The following LRMDA variants were observed in gnomAD, a reference collection of about 807,000 sequenced individuals.
The protein encoded by LRMDA is leucine-rich melanocyte differentiation-associated protein.
Under a neutral mutation model 29.8 loss-of-function variants are expected in LRMDA, and 18 were observed. The observed-to-expected ratio is 0.60, with a 90% CI of 0.42 to 0.90. The LOEUF is 0.90. Among genes scored for constraint, LRMDA ranks in the 40% least tolerant of loss-of-function variants. The pLI, the probability that LRMDA is intolerant of heterozygous loss-of-function variation, is 0.00. For missense variants in LRMDA, 273 were observed against 273.9 expected, an observed-to-expected ratio of 1.00 and a Z score of 0.02; for synonymous variants, 125 against 109.4, an observed-to-expected ratio of 1.14 and a Z score of -0.89.
At chr10:75,998,147 A>G (rs1280838234) in intron 2 of LRMDA, among the ~76,000 whole-genome samples, 1 of 152,164 alleles carries the variant, frequency 6.6e-6, no homozygotes, top group Non-Finnish European at 1.5e-5. Flanking sequence ...GAAGAATCAG[A>G]AGTGTCCCGT....
chr10:76,446,330 A>G (rs996394897), intron 6 of LRMDA, among the ~76,000 whole-genome samples: 1 of 152,184 alleles, frequency 6.6e-6, no homozygotes, highest in African/African-American at 2.4e-5. Flanking sequence ...CAAAGCTGCA[A>G]TGCACACCCA....
chr10:76,411,978 A>G (rs1589171495), intron 6 of LRMDA, among the ~76,000 whole-genome samples: 3 of 152,380 alleles, frequency 2.0e-5, no homozygotes, highest in Non-Finnish European at 4.4e-5. Flanking sequence ...TCCGAGTGCT[A>G]TTGGGACACC....
At chr10:75,807,826 G>A (rs971521991) in intron 2 of LRMDA, among the ~76,000 whole-genome samples, 8 of 152,186 alleles carry the variant, frequency 5.3e-5, no homozygotes, top group Non-Finnish European at 7.4e-5. Context: ...ACAGAGGCAT[G>A]TCATTTTCCC....
intron 5 of LRMDA, among the ~76,000 whole-genome samples, chr10:76,137,573 A>AG (rs1850118699): frequency 6.6e-6 from 1 of 152,144 alleles, no homozygotes. Flanking sequence ...AGGGTTAAAA[A>AG]TAAGAAAGGC....
chr10:76,106,592 A>C (rs1849489211), intron 5 of LRMDA, among the ~76,000 whole-genome samples: 1 of 151,986 alleles, frequency 6.6e-6, no homozygotes, highest in Non-Finnish European at 1.5e-5. Flanking sequence ...CCCTTTGTAT[A>C]CCTGACAGGG....
At chr10:76,416,799 A>C (rs1842019826) in intron 6 of LRMDA, among the ~76,000 whole-genome samples, 1 of 152,200 alleles carries the variant, frequency 6.6e-6, no homozygotes, top group Admixed American at 6.5e-5. Context: ...GTGCTCACAC[A>C]TACACCCTGT....
intron 2 of LRMDA, among the ~76,000 whole-genome samples, chr10:75,881,384 C>T (rs535182357): frequency 3.9e-5 from 6 of 152,110 alleles, no homozygotes; most frequent in South Asian, 2.1e-4. Flanking sequence ...GGGAACCTAA[C>T]GCCGATTCAC....
intron 6 of LRMDA, among the ~76,000 whole-genome samples, chr10:76,365,737 C>T (rs778964421): frequency 9.9e-5 from 15 of 152,232 alleles, no homozygotes; most frequent in Non-Finnish European, 1.9e-4. Flanking sequence ...TGTGCAAAAG[C>T]TCTTTAGTTT....
chr10:75,914,418 A>G (rs146569474), intron 2 of LRMDA, among the ~76,000 whole-genome samples: 36 of 152,342 alleles, frequency 2.4e-4, no homozygotes, highest in African/African-American at 7.0e-4. Flanking sequence ...TATGATTTGC[A>G]TTGTAAGGAT....
chr10:75,607,118 C>T (rs1427659089), intron 2 of LRMDA, among the ~76,000 whole-genome samples: 1 of 152,202 alleles, frequency 6.6e-6, no homozygotes, highest in South Asian at 2.1e-4. Context: ...ATTCCCGGAA[C>T]AGTTTTAATG....
At chr10:76,533,514 T>C (rs2132376104) in intron 6 of LRMDA, among the ~76,000 whole-genome samples, 1 of 152,326 alleles carries the variant, frequency 6.6e-6, no homozygotes, top group South Asian at 2.1e-4. Flanking sequence ...AAGAACAACT[T>C]GCTGTCATTC....
chr10:75,792,270 T>TGTTTGTTC (rs1843581046), intron 2 of LRMDA, among the ~76,000 whole-genome samples: 1 of 151,336 alleles, frequency 6.6e-6, no homozygotes, highest in Non-Finnish European at 1.5e-5. Flanking sequence ...TTTGTTTGTT[T>TGTTTGTTC]GTTTGTTTGT....
At chr10:75,854,292 G>T (rs1156303999) in intron 2 of LRMDA, among the ~76,000 whole-genome samples, 1 of 152,090 alleles carries the variant, frequency 6.6e-6, no homozygotes, top group Non-Finnish European at 1.5e-5. Flanking sequence ...ATCCTTCTTT[G>T]CTTGGGTGAT....
chr10:75,773,532 G>A (rs1843271103), intron 2 of LRMDA, among the ~76,000 whole-genome samples: 1 of 152,188 alleles, frequency 6.6e-6, no homozygotes, highest in African/African-American at 2.4e-5. Context: ...AGCTGTCTAT[G>A]AGAAACATGT....
intron 2 of LRMDA, among the ~76,000 whole-genome samples, chr10:75,516,065 T>C (rs1046939468): frequency 6.6e-5 from 10 of 152,264 alleles, no homozygotes; most frequent in Non-Finnish European, 1.2e-4. Flanking sequence ...TAGTATTTCA[T>C]GGTGTATATG....
At chr10:75,961,932 G>A (rs1348194567) in intron 2 of LRMDA, among the ~76,000 whole-genome samples, 4 of 152,054 alleles carry the variant, frequency 2.6e-5, no homozygotes, top group Admixed American at 2.0e-4. Flanking sequence ...GCAATCTTTG[G>A]CATTCCTTGG....
intron 2 of LRMDA, among the ~76,000 whole-genome samples, chr10:75,982,704 A>G (rs1347761950): frequency 6.6e-6 from 1 of 152,222 alleles, no homozygotes; most frequent in Non-Finnish European, 1.5e-5. Flanking sequence ...GATGTCTTCA[A>G]AAAGGCATCC....
At chr10:75,815,081 T>C (rs1327319921) in intron 2 of LRMDA, among the ~76,000 whole-genome samples, 1 of 152,190 alleles carries the variant, frequency 6.6e-6, no homozygotes, top group Non-Finnish European at 1.5e-5. Flanking sequence ...TAGGTGGCTT[T>C]TCTGCCTGCT....
intron 2 of LRMDA, among the ~76,000 whole-genome samples, chr10:75,767,106 G>T: frequency 6.6e-6 from 1 of 152,088 alleles, no homozygotes; most frequent in African/African-American, 2.4e-5. Context: ...ATAAACATAT[G>T]TGTGCATGTA....
Sources: allele counts gnomAD v4.1 joint callset (sites outside exome capture counted in the v4.1 genomes callset), GRCh38; gene constraint gnomAD v4.1.1; transcripts MANE v1.5; gene names NCBI Gene and HGNC (gene_info 2026-07-23, HGNC 2026-07-21).